The following LRP2 variants were observed in gnomAD, a reference collection of about 807,000 sequenced individuals.
LRP2 encodes the protein low-density lipoprotein receptor-related protein 2.
LRP2 carries 172 observed loss-of-function variants against 531.0 expected under a neutral mutation model. The ratio of observed to expected loss-of-function variants is 0.32; its 90% CI spans 0.29 to 0.37. The LOEUF (loss-of-function observed/expected upper bound fraction) is 0.37. LRP2 is among the 10% of genes least tolerant of loss of function. The probability of loss-of-function intolerance (pLI) is 1.00; values close to 1 mark genes in which losing one functional copy is unlikely to be tolerated. For synonymous variants in LRP2, 1,992 were observed against 2,027.6 expected, an observed-to-expected ratio of 0.98 and a Z score of 0.47; for missense variants, 5,167 against 5,868.3, an observed-to-expected ratio of 0.88 and a Z score of 3.90.
intron 19 of LRP2, among the ~76,000 whole-genome samples, chr2:169,248,298 A>G (rs1248270542): frequency 1.3e-5 from 2 of 152,256 alleles, no homozygotes; most frequent in African/African-American, 4.8e-5. Context: ...CTCTTTAATG[A>G]TAGTTTAACT....
rs2105305901 is a variant in LRP2, at chr2:169,188,245, C to T, written c.9053G>A (p.Cys3018Tyr). 1 of 1,614,152 alleles carries T rather than the reference C, an allele frequency of 6.2e-7. No homozygotes were observed. The highest frequency in any genetic ancestry group is 8.5e-7 in the Non-Finnish European group (1 of 1,180,020). Residue 3018 changes from cysteine (C) to tyrosine (Y), a missense_variant, in exon 49 of 79, where the codon TGT (cysteine) becomes TAT (tyrosine). Coordinates refer to ENST00000649046, the MANE Select transcript of LRP2 (RefSeq NM_004525.3). ...GCCCCTCTCGTCGCTATAGTCACCA[C>T]AGTCATTGTGCCGGTCACACCTGTA... ...KIFRCDRHND[C>Y]GDYSDERGCL...
intron 24 of LRP2, among the ~76,000 whole-genome samples, chr2:169,241,664 T>C (rs1689811085): frequency 6.6e-6 from 1 of 152,232 alleles, no homozygotes; most frequent in South Asian, 2.1e-4. Context: ...GTGTTTTTAA[T>C]GTACTTCCAA....
chr2:169,199,808 G>A (rs988864507), intron 44 of LRP2, among the ~76,000 whole-genome samples: 46 of 151,958 alleles, frequency 3.0e-4, no homozygotes, highest in African/African-American at 1.0e-3. Context: ...TAATAATGTT[G>A]AAATTATTAT....
chr2:169,167,057 A>G (rs1686813060), intron 61 of LRP2, among the ~76,000 whole-genome samples: 1 of 152,238 alleles, frequency 6.6e-6, no homozygotes, highest in Non-Finnish European at 1.5e-5. Flanking sequence ...ATTATAAAAC[A>G]GTATTGGAAA....
intron 1 of LRP2, among the ~76,000 whole-genome samples, chr2:169,354,576 T>C (rs763818051): frequency 2.0e-5 from 3 of 152,198 alleles, no homozygotes; most frequent in Admixed American, 6.5e-5. Context: ...AGACTTACAT[T>C]TCTTTGCACT....
At chr2:169,283,184 C>G (rs1683753022) in intron 9 of LRP2, among the ~76,000 whole-genome samples, 183 bp from the exon 10 acceptor site, 1 of 152,152 alleles carries the variant, frequency 6.6e-6, no homozygotes, top group Non-Finnish European at 1.5e-5. Context: ...GGAAAAAGAA[C>G]ATTTACATCA....
chr2:169,257,639 A>G (rs1033455500), intron 17 of LRP2, among the ~76,000 whole-genome samples: 9 of 152,134 alleles, frequency 5.9e-5, no homozygotes, highest in Admixed American at 5.2e-4. Flanking sequence ...CTTTCTCTCT[A>G]GATTAAACAT....
chr2:169,266,788 G>A (rs1411065145), intron 16 of LRP2, among the ~76,000 whole-genome samples: 1 of 151,762 alleles, frequency 6.6e-6, no homozygotes, highest in East Asian at 1.9e-4. Context: ...ATGAAAAACA[G>A]TGTCTAGTCA....
chr2:169,329,151 A>T (rs1013167501), intron 1 of LRP2, among the ~76,000 whole-genome samples: 2 of 152,214 alleles, frequency 1.3e-5, no homozygotes, highest in African/African-American at 4.8e-5. Flanking sequence ...GTCATCAGAG[A>T]AGTCTTCACA....
intron 16 of LRP2, among the ~76,000 whole-genome samples, chr2:169,259,742 CAACAA>C (rs1559043736): frequency 3.0e-4 from 15 of 49,974 alleles, no homozygotes; most frequent in Non-Finnish European, 4.5e-5. Context: ...AAAACAACAA[CAACAA>C]AAAAAAAAAA....
chr2:169,239,568 C>T lies in LRP2; in HGVS notation c.4253G>A (p.Gly1418Asp). Residue 1418 changes from glycine (G) to aspartate (D), a missense_variant, in exon 26 of 79, where the codon GGC becomes GAC. By Grantham distance (94) the Gly-to-Asp change is moderately conservative (BLOSUM62 -1). Transcript: ENST00000649046. ...CCTCCCATCACTTTCTAACATGTAG[C>T]CTGTATCACACGAGCACCGGAAAGA... is the stretch of plus-strand genomic sequence containing the variant. ...RGSFRCSCDT[G>D]YMLESDGRTC... 1 of 1,614,080 alleles carries T rather than the reference C, an allele frequency of 6.2e-7. No individual in the cohort carries two copies. The highest frequency in any genetic ancestry group is 8.5e-7 in the Non-Finnish European group (1 of 1,179,940).
intron 1 of LRP2, among the ~76,000 whole-genome samples, chr2:169,358,095 C>A (rs1468296367): frequency 6.6e-6 from 1 of 152,138 alleles, no homozygotes; most frequent in African/African-American, 2.4e-5. Flanking sequence ...GTAACCCATC[C>A]AATTGTTTTT....
intron 16 of LRP2, among the ~76,000 whole-genome samples, chr2:169,270,427 TA>T (rs1683374851): frequency 6.6e-6 from 1 of 151,908 alleles, no homozygotes; most frequent in Admixed American, 6.6e-5. Flanking sequence ...TATGCAGCCA[TA>T]AAAAAGGATG....
chr2:169,141,188 T>C (rs961466505), intron 71 of LRP2, among the ~76,000 whole-genome samples: 2 of 152,182 alleles, frequency 1.3e-5, no homozygotes, highest in Non-Finnish European at 2.9e-5. Flanking sequence ...CATGTGTATA[T>C]TATTTAAAGA....
chr2:169,209,735 C>T, intron 37 of LRP2, 94 bp from the exon 38 acceptor site: 1 of 1,197,220 alleles, frequency 8.4e-7, no homozygotes, highest in Non-Finnish European at 1.2e-6. Flanking sequence ...TTCCCAACCC[C>T]CTGCTCTGAG....
At chr2:169,324,874 T>A (rs145009658) in intron 1 of LRP2, among the ~76,000 whole-genome samples, 12 of 152,268 alleles carry the variant, frequency 7.9e-5, no homozygotes, top group African/African-American at 2.9e-4. Context: ...TAATGCATGT[T>A]CGTCAGGAAG....
At chr2:169,144,875 C>T (rs1685852533) in intron 70 of LRP2, among the ~76,000 whole-genome samples, 1 of 152,144 alleles carries the variant, frequency 6.6e-6, no homozygotes, top group Non-Finnish European at 1.5e-5. Flanking sequence ...TAGCATTCAA[C>T]CTGGGACTTT....
chr2:169,269,267 T>C (rs1044559586), intron 16 of LRP2, among the ~76,000 whole-genome samples: 4 of 152,090 alleles, frequency 2.6e-5, no homozygotes, highest in African/African-American at 7.2e-5. Flanking sequence ...AAAGTTCATA[T>C]GGAACCAAAA....
chr2:169,172,909 T>C (rs1435534368), intron 57 of LRP2, among the ~76,000 whole-genome samples, 187 bp downstream of exon 57: 2 of 152,234 alleles, frequency 1.3e-5, no homozygotes, highest in African/African-American at 4.8e-5. Flanking sequence ...ACAAATTAAA[T>C]ACCCCTGGTA....
Sources: allele counts gnomAD v4.1 joint callset (sites outside exome capture counted in the v4.1 genomes callset), GRCh38; gene constraint gnomAD v4.1.1; transcripts MANE v1.5; gene names NCBI Gene and HGNC (gene_info 2026-07-23, HGNC 2026-07-21).